The following SEL1L2 variants were observed in gnomAD, a reference collection of about 807,000 sequenced individuals.
SEL1L2 encodes the protein protein sel-1 homolog 2.
In SEL1L2, 89 loss-of-function variants were observed where a neutral mutation model predicts 98.8. That is an observed-to-expected ratio of 0.90 (90% CI 0.76 to 1.07). The LOEUF (loss-of-function observed/expected upper bound fraction) is 1.07. Ranked by LOEUF, SEL1L2 falls within the 50% of genes least tolerant of loss-of-function variation. The probability of loss-of-function intolerance (pLI) is 0.00; values close to 1 mark genes in which losing one functional copy is unlikely to be tolerated. For missense variants in SEL1L2, 788 were observed against 812.0 expected, an observed-to-expected ratio of 0.97 and a Z score of 0.36; for synonymous variants, 262 against 278.5, an observed-to-expected ratio of 0.94 and a Z score of 0.59.
chr20:13,878,454 C>A (rs1317471079), intron 10 of SEL1L2, among the ~76,000 whole-genome samples: 1 of 152,190 alleles, frequency 6.6e-6, no homozygotes. Context: ...CAGGCGCCCC[C>A]ACCCACAATG....
chr20:13,942,150 T>C (rs1261077157), intron 2 of SEL1L2, among the ~76,000 whole-genome samples: 1 of 152,156 alleles, frequency 6.6e-6, no homozygotes, highest in Non-Finnish European at 1.5e-5. Flanking sequence ...TTTGTTTAGG[T>C]AAATGAATGA....
intron 2 of SEL1L2, among the ~76,000 whole-genome samples, chr20:13,933,044 C>T (rs77443907): frequency 2.6e-4 from 39 of 151,916 alleles, no homozygotes; most frequent in Non-Finnish European, 4.7e-4. Context: ...CCCGTCTCTA[C>T]TAAAAATACA....
chr20:13,942,714 A>T (rs2049835340), intron 2 of SEL1L2, among the ~76,000 whole-genome samples: 2 of 152,246 alleles, frequency 1.3e-5, no homozygotes, highest in African/African-American at 2.4e-5. Context: ...TGTTTTAATT[A>T]TGGTTTCTCA....
In SEL1L2 at chr20:13,940,886, C is replaced by T. The variant is rs536466699; in HGVS notation, c.115-9115G>A. On this transcript the variant is annotated intron_variant, in intron 2 of 19. Coordinates refer to ENST00000284951, the MANE Select transcript of SEL1L2 (RefSeq NM_025229.2). Reference sequence around the variant, plus strand: ...CTGCACTCCAGCCTGGGTGACAGAGCGAGACTCCATCTCAAAAAGAAAAAG... The same window carrying T: ...CTGCACTCCAGCCTGGGTGACAGAGTGAGACTCCATCTCAAAAAGAAAAAG... Among the ~76,000 whole-genome samples, 30 of 151,876 alleles carry T rather than the reference C, an allele frequency of 2.0e-4. 1 individual carries two copies. Among genetic ancestry groups the T allele is most frequent in the South Asian group, 1.9e-3 (9 of 4,800 alleles).
intron 2 of SEL1L2, among the ~76,000 whole-genome samples, chr20:13,933,149 C>T (rs982854593): frequency 6.6e-6 from 1 of 152,058 alleles, no homozygotes; most frequent in African/African-American, 2.4e-5. Flanking sequence ...GCGGAGGTTA[C>T]AGGGAGCTGA....
At chr20:13,855,045 G>A (rs78356961) in intron 18 of SEL1L2, among the ~76,000 whole-genome samples, 74 of 82,436 alleles carry the variant, frequency 9.0e-4, no homozygotes, top group African/African-American at 3.5e-3. Flanking sequence ...GCGAGACTCC[G>A]TCTCAAAAAA....
At chr20:13,991,810 T>A (rs111387523), upstream of SEL1L2, among the ~76,000 whole-genome samples, 3,519 of 152,222 alleles carry the variant, frequency 0.023, 54 homozygotes, top group Non-Finnish European at 0.038. Context: ...CTGACCACCA[T>A]GGCGAAACCC....
chr20:13,867,605 C>T (rs2045985821), intron 14 of SEL1L2, among the ~76,000 whole-genome samples: 1 of 152,128 alleles, frequency 6.6e-6, no homozygotes, highest in African/African-American at 2.4e-5. Flanking sequence ...GGCAAGATGT[C>T]CAACCACAAC....
chr20:13,988,944 C>T (rs1281362016), intron 1 of SEL1L2, among the ~76,000 whole-genome samples: 15 of 152,026 alleles, frequency 9.9e-5, no homozygotes, highest in Admixed American at 5.2e-4. Context: ...ACCCAGGCAG[C>T]GGAGGTTGCA....
Position 13,850,333 on chromosome 20 carries a change from A to T in SEL1L2, c.1819-14T>A. ...CAAGTGAATGTCCTAGAAGGAGAAG[A>T]ATAGCCCTACCCATCAGATTCTGTA... On this transcript the variant is annotated splice_polypyrimidine_tract_variant and intron_variant, in intron 18 of 19. Transcript: ENST00000284951. 6.2e-7 allele frequency: 1 copy of T among 1,613,826 alleles called. No individual in the cohort carries two copies. Among genetic ancestry groups the T allele is most frequent in the Non-Finnish European group, 8.5e-7 (1 of 1,179,766 alleles).
chr20:13,927,140 G>T (rs1003482611), intron 3 of SEL1L2, among the ~76,000 whole-genome samples: 5 of 152,194 alleles, frequency 3.3e-5, no homozygotes, highest in African/African-American at 1.2e-4. Flanking sequence ...AAAGGTAATG[G>T]ATGGGAAAGC....
At chr20:13,879,142 A>G (rs2046572878) in intron 10 of SEL1L2, among the ~76,000 whole-genome samples, 1 of 152,172 alleles carries the variant, frequency 6.6e-6, no homozygotes, top group African/African-American at 2.4e-5. Flanking sequence ...TCGAGGCCTC[A>G]TGAAAGATGG....
chr20:13,957,782 G>A (rs1229957657), intron 1 of SEL1L2, among the ~76,000 whole-genome samples: 1 of 152,070 alleles, frequency 6.6e-6, no homozygotes, highest in African/African-American at 2.4e-5. Context: ...GGAGGCTTAG[G>A]TGGGAGGATC....
At chr20:13,883,458 T>G (rs1163453235) in intron 10 of SEL1L2, among the ~76,000 whole-genome samples, 1 of 152,256 alleles carries the variant, frequency 6.6e-6, no homozygotes, top group African/African-American at 2.4e-5. Flanking sequence ...AGGCCTGAGT[T>G]CAAATTCTGC....
Position 13,887,753 on chromosome 20 carries a change from T to C in SEL1L2, c.745+16A>G. On this transcript the variant is annotated intron_variant, in intron 8 of 19. Transcript: ENST00000284951. The stretch of plus-strand genomic sequence containing the variant: ...GGCAACTGTTTATTTTAAAATAAAT[T>C]ATGTGGATTACTTACTATAATCTGC... 6.7e-7 allele frequency: 1 copy of C among 1,500,850 alleles called. No homozygotes were observed. 93.0% of individuals were successfully genotyped at this position (1,500,850 alleles called of 1,614,324 possible). A position where few individuals can be genotyped will look rare whatever the true frequency, so the allele number is the denominator to read the frequency against.
rs546137341 is a variant in SEL1L2 at position 13,988,463 on chromosome 20, C to A, written c.58+2014G>T. 1.5e-4 allele frequency among the ~76,000 whole-genome samples: 23 copies of A among 152,276 alleles called. 1 individual carries two copies. In the South Asian group the frequency reaches 4.8e-3, roughly 32 times the overall value. On this transcript the variant is annotated intron_variant, in intron 1 of 19. Transcript: ENST00000284951. ...CTCCCACACTGAGTTTTCATGGCAT[C>A]TTTGCCAAAAATCAGTTGATGATAA...
chr20:13,986,959 A>G (rs1235414980), intron 1 of SEL1L2, among the ~76,000 whole-genome samples: 1 of 151,974 alleles, frequency 6.6e-6, no homozygotes, highest in African/African-American at 2.4e-5. Flanking sequence ...CAGCCTCCCG[A>G]GTAGCTGGGA....
intron 1 of SEL1L2, among the ~76,000 whole-genome samples, chr20:13,975,542 C>A (rs1184750614): frequency 6.6e-6 from 1 of 152,162 alleles, no homozygotes; most frequent in Non-Finnish European, 1.5e-5. Context: ...TTTTAAATAT[C>A]TATAAATTTA....
At chr20:13,854,574 G>C (rs986569917) in intron 18 of SEL1L2, among the ~76,000 whole-genome samples, 1 of 152,086 alleles carries the variant, frequency 6.6e-6, no homozygotes, top group African/African-American at 2.4e-5. Flanking sequence ...TATAGCTATG[G>C]ACAAGTCTCT....
Sources: allele counts gnomAD v4.1 joint callset (sites outside exome capture counted in the v4.1 genomes callset), GRCh38; gene constraint gnomAD v4.1.1; transcripts MANE v1.5; gene names NCBI Gene and HGNC (gene_info 2026-07-23, HGNC 2026-07-21).